The following WNK1 variants were observed in gnomAD, a reference collection of about 807,000 sequenced individuals.
WNK1 encodes the protein serine/threonine-protein kinase WNK1.
WNK1 carries 38 observed loss-of-function variants against 222.8 expected under a neutral mutation model. The ratio of observed to expected loss-of-function variants is 0.17; its 90% CI spans 0.13 to 0.22. The LOEUF (loss-of-function observed/expected upper bound fraction) is 0.22, where lower values mean the gene tolerates loss of function less well. Ranked by LOEUF, WNK1 falls within the 10% of genes least tolerant of loss-of-function variation. The pLI is 1.00. For synonymous variants in WNK1, 1,090 were observed against 1,092.9 expected (o/e 1.00, Z 0.05); for missense variants, 2,348 against 2,918.4 (o/e 0.80, Z 4.50).
chr12:875,881 A>G (rs896585974), intron 9 of WNK1, among the ~76,000 whole-genome samples: 3 of 152,250 alleles, frequency 2.0e-5, no homozygotes, highest in Non-Finnish European at 4.4e-5. Flanking sequence ...TTAATGAGTT[A>G]GATAATTATA....
chr12:881,257 T>G (rs1359357804), intron 12 of WNK1, among the ~76,000 whole-genome samples: 1 of 152,210 alleles, frequency 6.6e-6, no homozygotes, highest in African/African-American at 2.4e-5. Context: ...AGCTAGTACT[T>G]TAGCCATTAT....
intron 1 of WNK1, among the ~76,000 whole-genome samples, chr12:802,155 A>G (rs908350411): frequency 2.0e-5 from 3 of 152,214 alleles, no homozygotes; most frequent in African/African-American, 7.2e-5. Context: ...AATAGTAGAT[A>G]TTTTAGGTTG....
At chr12:813,842 AC>A in intron 2 of WNK1, 28 bp downstream of exon 2, 1 of 1,610,894 alleles carries the variant, frequency 6.2e-7, no homozygotes, top group Non-Finnish European at 8.5e-7. Flanking sequence ...ACAAAAGCTG[AC>A]CAAGAAGTAT....
intron 4 of WNK1, among the ~76,000 whole-genome samples, chr12:837,525 G>T (rs981077568): frequency 1.4e-5 from 2 of 146,620 alleles, no homozygotes; most frequent in Admixed American, 1.4e-4. Context: ...AGTGAGCCGA[G>T]ATCACGCCAT....
chr12:875,941 TAAAA>T (rs1021427115), intron 9 of WNK1, among the ~76,000 whole-genome samples: 1 of 152,204 alleles, frequency 6.6e-6, no homozygotes, highest in African/African-American at 2.4e-5. Context: ...AGTTGGCAAA[TAAAA>T]AAGGTTTTCT....
At chr12:808,200 T>A (rs1463807897) in intron 1 of WNK1, among the ~76,000 whole-genome samples, 1 of 152,168 alleles carries the variant, frequency 6.6e-6, no homozygotes, top group African/African-American at 2.4e-5. Flanking sequence ...ATAAAAAACT[T>A]TAAAAATTTA....
intron 4 of WNK1, among the ~76,000 whole-genome samples, chr12:834,641 A>G (rs1949043738): frequency 6.6e-6 from 1 of 152,154 alleles, no homozygotes; most frequent in Non-Finnish European, 1.5e-5. Flanking sequence ...CAATTCACTT[A>G]ATTTCTCTGT....
intron 1 of WNK1, among the ~76,000 whole-genome samples, chr12:760,813 T>C (rs1480823354): frequency 6.8e-6 from 1 of 146,870 alleles, no homozygotes; most frequent in Non-Finnish European, 1.5e-5. Context: ...TCGCCCAGGC[T>C]GGAGTGCAGT....
chr12:878,588 A>G (rs982412925), intron 10 of WNK1, among the ~76,000 whole-genome samples: 1 of 152,118 alleles, frequency 6.6e-6, no homozygotes, highest in African/African-American at 2.4e-5. Context: ...GACAGCAGTG[A>G]CAATCCAAAG....
chr12:852,365 T>G (rs1338220418), intron 4 of WNK1, among the ~76,000 whole-genome samples: 1 of 152,184 alleles, frequency 6.6e-6, no homozygotes. Context: ...GGCCTTTGTG[T>G]TTTGTAATGA....
chr12:840,910 T>C (rs1264572289), intron 4 of WNK1, among the ~76,000 whole-genome samples: 1 of 152,216 alleles, frequency 6.6e-6, no homozygotes, highest in Non-Finnish European at 1.5e-5. Context: ...ACTAAAACTT[T>C]AACATTTTTA....
chr12:835,468 A>G (rs1346152886), intron 4 of WNK1, among the ~76,000 whole-genome samples: 1 of 152,248 alleles, frequency 6.6e-6, no homozygotes, highest in African/African-American at 2.4e-5. Flanking sequence ...GTTAGGTTTC[A>G]TAGGAGAAAA....
At chr12:757,903 C>T (rs749480444) in intron 1 of WNK1, among the ~76,000 whole-genome samples, 8 of 145,452 alleles carry the variant, frequency 5.5e-5, no homozygotes, top group Admixed American at 1.4e-4. Context: ...GGGCGTGGTC[C>T]GCACGCCTGT....
In WNK1 at chr12:894,546, C is replaced by T; in HGVS notation, c.5510-16C>T. The T allele has an allele frequency of 6.2e-7, 1 of 1,608,684 alleles. No individual in the cohort carries two copies. Among genetic ancestry groups the T allele is most frequent in the East Asian group, 2.2e-5 (1 of 44,772 alleles). The stretch of plus-strand genomic sequence containing the variant: ...AGGAGACACTTATGTTTTCCTCATC[C>T]ATGTATTTGTTTCAGTTTCTCAAGT... On this transcript the variant is annotated splice_polypyrimidine_tract_variant and intron_variant, in intron 22 of 27. Coordinates refer to ENST00000315939, the MANE Select transcript of WNK1 (RefSeq NM_018979.4).
At position 879,947 on chromosome 12, in the gene WNK1, A is replaced by G. The variant is rs1448870713; in HGVS notation, c.2748A>G (p.Gln916=). The change falls in exon 11 of 28, where the codon CAA becomes CAG. Residue 916 remains glutamine, a synonymous_variant. Transcript: ENST00000315939. Reference sequence around the variant, plus strand: ...GTCAGGTTCACCCACAGCTCCTACAACCAGCAGTTCAGTCCATGGGAATAC... The same window carrying G: ...GTCAGGTTCACCCACAGCTCCTACAGCCAGCAGTTCAGTCCATGGGAATAC... ...LPSQVHPQLL[Q]PAVQSMGIPA... 3.1e-6 allele frequency: 5 copies of G among 1,613,938 alleles called. No individual in the cohort carries two copies. In the African/African-American group the frequency reaches 6.7e-5, roughly 22 times the overall value.
chr12:778,206 GT>G (rs1350329951), intron 1 of WNK1, among the ~76,000 whole-genome samples: 2 of 152,048 alleles, frequency 1.3e-5, no homozygotes, highest in Admixed American at 6.5e-5. Flanking sequence ...ACTACTGAAT[GT>G]TTAGAATTTT....
chr12:898,865 A>G (rs1399753984), intron 25 of WNK1, among the ~76,000 whole-genome samples: 1 of 151,984 alleles, frequency 6.6e-6, no homozygotes, highest in Non-Finnish European at 1.5e-5. Context: ...TCAGCCCCGC[A>G]TAGTAGCTGG....
At chr12:762,903 T>A (rs1414364126) in intron 1 of WNK1, among the ~76,000 whole-genome samples, 2 of 146,356 alleles carry the variant, frequency 1.4e-5, no homozygotes, top group African/African-American at 4.9e-5. Context: ...GGCGCCACCA[T>A]GCCCAGCTAA....
intron 19 of WNK1, among the ~76,000 whole-genome samples, chr12:886,446 T>C (rs1426903016): frequency 6.6e-6 from 1 of 152,246 alleles, no homozygotes; most frequent in African/African-American, 2.4e-5. Flanking sequence ...TCATAGTCTT[T>C]GTTTCAGTGA....
Sources: gnomAD v4.1 joint callset for allele counts (sites outside exome capture counted in the v4.1 genomes callset) on GRCh38, gnomAD v4.1.1 for gene constraint, MANE v1.5 for transcripts, NCBI Gene and HGNC (gene_info 2026-07-23, HGNC 2026-07-21) for gene names.